ADGRL3: variants seen among roughly 807,000 people sequenced by gnomAD.
ADGRL3 encodes the protein adhesion G protein-coupled receptor L3.
Under a neutral mutation model 153.5 loss-of-function variants are expected in ADGRL3, and 62 were observed. That is an observed-to-expected ratio of 0.40 (90% CI 0.33 to 0.50). ADGRL3 has a LOEUF of 0.50. ADGRL3 is among the 20% of genes least tolerant of loss of function. ADGRL3 has a pLI of 0.47. For synonymous variants in ADGRL3, 710 were observed against 672.5 expected (o/e 1.06, Z -0.86); for missense variants, 1,641 against 1,859.4 (o/e 0.88, Z 2.16).
intron 1 of ADGRL3, among the ~76,000 whole-genome samples, chr4:61,287,559 T>A (rs2093986965): frequency 6.6e-6 from 1 of 152,018 alleles, no homozygotes; most frequent in African/African-American, 2.4e-5. Flanking sequence ...ATTACCAAAC[T>A]ATAAATTAAT....
chr4:61,647,154 C>T (rs1022308932), intron 5 of ADGRL3, among the ~76,000 whole-genome samples: 2 of 152,102 alleles, frequency 1.3e-5, no homozygotes, highest in Non-Finnish European at 2.9e-5. Flanking sequence ...GTGCACTGCA[C>T]CCACTGGCCT....
At chr4:61,229,461 T>A (rs1381848677) in intron 1 of ADGRL3, among the ~76,000 whole-genome samples, 1 of 152,212 alleles carries the variant, frequency 6.6e-6, no homozygotes, top group Non-Finnish European at 1.5e-5. Flanking sequence ...AGCAAGGATT[T>A]TTTTTAGATT....
intron 2 of ADGRL3, among the ~76,000 whole-genome samples, chr4:61,465,758 A>ATATATATAT (rs2097871895): frequency 5.4e-5 from 7 of 130,154 alleles, no homozygotes; most frequent in Non-Finnish European, 9.6e-5. Context: ...ATTATATATA[A>ATATATATAT]ATATATATAT....
chr4:61,423,819 A>G (rs74999472), intron 2 of ADGRL3, among the ~76,000 whole-genome samples: 4,945 of 152,292 alleles, frequency 0.032, 257 homozygotes, highest in East Asian at 0.21. Flanking sequence ...TGAGATAAGA[A>G]GAAATGGGTT....
At chr4:61,392,367 A>C (rs1407994660) in intron 2 of ADGRL3, among the ~76,000 whole-genome samples, 1 of 152,072 alleles carries the variant, frequency 6.6e-6, no homozygotes, top group South Asian at 2.1e-4. Flanking sequence ...ATTTACACGC[A>C]TAAATGGTTT....
intron 6 of ADGRL3, among the ~76,000 whole-genome samples, chr4:61,700,424 A>G (rs934809138): frequency 1.4e-4 from 22 of 152,326 alleles, no homozygotes; most frequent in Admixed American, 1.1e-3. Flanking sequence ...AAAAGAAGAC[A>G]AAAGTATTAC....
Position 62,077,939 on chromosome 4 carries a change from C to T in ADGRL3, c.*7031C>T, listed in dbSNP as rs991436627. 4 of 151,852 alleles carry T rather than the reference C, an allele frequency of 2.6e-5. No homozygotes were observed. The highest frequency in any genetic ancestry group is 9.7e-5 in the African/African-American group (4 of 41,390). 9.4% of individuals were successfully genotyped at this position (151,852 alleles called of 1,614,324 possible). On this transcript the variant is annotated 3_prime_UTR_variant, in exon 27 of 27. Coordinates refer to ENST00000683033, the MANE Select transcript of ADGRL3 (RefSeq NM_001387552.1). ...GATTTGTAGAGTCAGGTTGATTTGC[C>T]TTCATTTAATTCCTGCAAATGCATT...
intron 6 of ADGRL3, among the ~76,000 whole-genome samples, chr4:61,678,055 A>G (rs987887079): frequency 3.3e-5 from 5 of 152,002 alleles, no homozygotes; most frequent in Admixed American, 1.3e-4. Context: ...CTCAGAGTAC[A>G]GGATTTATTG....
intron 9 of ADGRL3, among the ~76,000 whole-genome samples, chr4:61,840,614 A>G (rs79141657): frequency 0.02 from 2,999 of 152,158 alleles, 102 homozygotes; most frequent in African/African-American, 0.068. Flanking sequence ...TTACTGTACT[A>G]GGGCCTTTGG....
intron 3 of ADGRL3, among the ~76,000 whole-genome samples, chr4:61,509,082 G>T (rs1433102833): frequency 6.7e-6 from 1 of 150,136 alleles, no homozygotes; most frequent in African/African-American, 2.4e-5. Context: ...TACAATTCAA[G>T]ACGAGATTTG....
chr4:61,566,997 G>A (rs1343317775), intron 4 of ADGRL3, among the ~76,000 whole-genome samples: 4 of 152,030 alleles, frequency 2.6e-5, no homozygotes, highest in Non-Finnish European at 5.9e-5. Context: ...TTCCCATGTT[G>A]TATGATAAGG....
chr4:62,039,532 T>A (rs1726992474), intron 24 of ADGRL3, among the ~76,000 whole-genome samples: 4 of 152,162 alleles, frequency 2.6e-5, no homozygotes, highest in Admixed American at 6.5e-5. Context: ...ATAATCTGAA[T>A]TTGATTTATT....
chr4:62,055,656 T>A (rs1294089001), intron 25 of ADGRL3, among the ~76,000 whole-genome samples: 1 of 151,934 alleles, frequency 6.6e-6, no homozygotes, highest in East Asian at 1.9e-4. Flanking sequence ...AGGTGTCATG[T>A]AGATTCTATT....
intron 2 of ADGRL3, among the ~76,000 whole-genome samples, chr4:61,460,613 C>T (rs187238343): frequency 1.4e-4 from 21 of 152,058 alleles, no homozygotes; most frequent in African/African-American, 4.3e-4. Flanking sequence ...AAGACATACC[C>T]GAGACTGGGT....
intron 8 of ADGRL3, among the ~76,000 whole-genome samples, chr4:61,802,059 T>C (rs2097504527): frequency 2.0e-5 from 3 of 152,148 alleles, no homozygotes; most frequent in Admixed American, 2.0e-4. Context: ...AATGATCATA[T>C]GCTAGCCCTC....
At position 61,200,994 on chromosome 4, in the gene ADGRL3, G is replaced by C. The variant is rs928836917; in HGVS notation, c.-1011G>C. ...AAGGAGTTTGTGTGGCTCTCGCTCC[G>C]GCTGTCCGCGGAGGTTGCGGGCTTG... On this transcript the variant is annotated 5_prime_UTR_variant, in exon 1 of 27. Coordinates refer to ENST00000683033, the MANE Select transcript of ADGRL3 (RefSeq NM_001387552.1). Among the ~76,000 whole-genome samples, 1 of 152,132 alleles carries C rather than the reference G, an allele frequency of 6.6e-6. No individual in the cohort carries two copies. Among genetic ancestry groups the C allele is most frequent in the Non-Finnish European group, 1.5e-5 (1 of 68,036 alleles).
intron 21 of ADGRL3, among the ~76,000 whole-genome samples, chr4:62,011,325 A>C (rs1381509088): frequency 6.6e-6 from 1 of 152,188 alleles, no homozygotes; most frequent in Non-Finnish European, 1.5e-5. Context: ...AAGTTTGATG[A>C]AGAAGTGGAT....
intron 13 of ADGRL3, among the ~76,000 whole-genome samples, chr4:61,932,507 T>C (rs2150116778): frequency 6.6e-6 from 1 of 152,290 alleles, no homozygotes; most frequent in South Asian, 2.1e-4. Context: ...ACTCTCCCTG[T>C]ATCCAGGGAT....
chr4:61,839,275 C>T (rs768789154), intron 9 of ADGRL3, among the ~76,000 whole-genome samples: 1 of 152,064 alleles, frequency 6.6e-6, no homozygotes, highest in Non-Finnish European at 1.5e-5. Context: ...ACTGCAGCCT[C>T]GACCTCCTGG....
Sources: gnomAD v4.1 joint callset for allele counts (sites outside exome capture counted in the v4.1 genomes callset) on GRCh38, gnomAD v4.1.1 for gene constraint, MANE v1.5 for transcripts, NCBI Gene and HGNC (gene_info 2026-07-23, HGNC 2026-07-21) for gene names.